The following FOXP2 variants were observed in gnomAD, a reference collection of about 807,000 sequenced individuals.
The protein encoded by FOXP2 is forkhead box P2, also known as forkhead box protein P2.
A neutral mutation model predicts 115.8 loss-of-function variants in FOXP2; 12 were observed. That is an observed-to-expected ratio of 0.10 (90% CI 0.07 to 0.17). FOXP2 has a LOEUF of 0.17. Among genes scored for constraint, FOXP2 ranks in the 10% least tolerant of loss-of-function variants. FOXP2 has a pLI of 1.00. For missense variants in FOXP2, 629 were observed against 843.5 expected, an observed-to-expected ratio of 0.75 and a Z score of 3.15; for synonymous variants, 328 against 297.7, an observed-to-expected ratio of 1.10 and a Z score of -1.05.
intron 3 of FOXP2, among the ~76,000 whole-genome samples, chr7:114,620,135 G>C (rs1804166655): frequency 6.6e-6 from 1 of 151,972 alleles, no homozygotes; most frequent in Non-Finnish European, 1.5e-5. Context: ...TTCTCAAGCT[G>C]TAATATCTAG....
rs1452303323 is a variant in FOXP2, at chr7:114,271,495, T to C, written c.-101-16524T>C. Reference sequence around the variant, plus strand: ...GAGGATTTATATATATATATTTATATAAATATATTAATAATATAATATTAA... The same window carrying C: ...GAGGATTTATATATATATATTTATACAAATATATTAATAATATAATATTAA... On this transcript the variant is annotated intron_variant, in intron 1 of 17. Transcript: ENST00000634411. 6.0e-5 allele frequency among the ~76,000 whole-genome samples: 8 copies of C among 133,864 alleles called. No homozygotes were observed. The Admixed American group carries it at 7.0e-4, about 12-fold the overall frequency. The allele number at this position is 133,864 out of a possible 152,430, so 87.8% of individuals were successfully genotyped here.
At chr7:114,243,262 G>GAAAA (rs61609626) in intron 1 of FOXP2, among the ~76,000 whole-genome samples, 1 of 107,068 alleles carries the variant, frequency 9.3e-6, no homozygotes, top group Non-Finnish European at 2.0e-5. Flanking sequence ...CCATGAGCCA[G>GAAAA]AAAAAAAAAA....
chr7:114,440,596 A>G (rs1226316928), intron 2 of FOXP2, among the ~76,000 whole-genome samples: 3 of 152,336 alleles, frequency 2.0e-5, no homozygotes, highest in Admixed American at 2.0e-4. Flanking sequence ...CAATAAAACT[A>G]ATTCAGAAAT....
In FOXP2 at chr7:114,303,703, T is replaced by C. The variant is rs191279286; in HGVS notation, c.-11+15594T>C. Among the ~76,000 whole-genome samples the C allele has an allele frequency of 3.9e-5, 6 of 152,338 alleles. No homozygotes were observed. The East Asian group carries it at 1.2e-3, about 29-fold the overall frequency. ...GTTTTAAAAAATCTTATTGATAATA[T>C]ACTTTTAATCTCAACTTTTGGGGCA... is the stretch of plus-strand genomic sequence containing the variant. On this transcript the variant is annotated intron_variant, in intron 2 of 17. Coordinates refer to the FOXP2 transcript ENST00000634411.
At chr7:114,575,535 A>C (rs937012097) in intron 3 of FOXP2, among the ~76,000 whole-genome samples, 1 of 151,904 alleles carries the variant, frequency 6.6e-6, no homozygotes, top group Non-Finnish European at 1.5e-5. Flanking sequence ...TCACACAAAA[A>C]ATAGTGTTCT....
At chr7:114,293,037 A>T (rs1468852929) in intron 2 of FOXP2, among the ~76,000 whole-genome samples, 1 of 152,168 alleles carries the variant, frequency 6.6e-6, no homozygotes, top group Non-Finnish European at 1.5e-5. Context: ...CCAATTACAT[A>T]TGGGAAAAAC....
At chr7:114,226,133 T>C (rs192412654) in intron 1 of FOXP2, among the ~76,000 whole-genome samples, 2 of 152,358 alleles carry the variant, frequency 1.3e-5, no homozygotes, top group Admixed American at 6.5e-5. Context: ...TAAAATGTTT[T>C]ACCTTCCATT....
At chr7:114,502,786 C>G (rs1376971260) in intron 2 of FOXP2, among the ~76,000 whole-genome samples, 1 of 152,024 alleles carries the variant, frequency 6.6e-6, no homozygotes, top group East Asian at 1.9e-4. Flanking sequence ...ATCAGGGACG[C>G]TGAGCTATGC....
intron 1 of FOXP2, among the ~76,000 whole-genome samples, chr7:114,182,815 A>T (rs1457110403): frequency 6.6e-6 from 1 of 152,152 alleles, no homozygotes; most frequent in Non-Finnish European, 1.5e-5. Flanking sequence ...AATTTTGATT[A>T]GGAAAAATGA....
chr7:114,196,029 A>T (rs921906639), intron 1 of FOXP2, among the ~76,000 whole-genome samples: 31 of 152,102 alleles, frequency 2.0e-4, no homozygotes, highest in Non-Finnish European at 3.1e-4. Flanking sequence ...TTATTTATTT[A>T]TTGCGGCAGA....
At chr7:114,165,524 T>A (rs78102526) in intron 1 of FOXP2, among the ~76,000 whole-genome samples, 1,624 of 152,278 alleles carry the variant, frequency 0.011, 25 homozygotes, top group Middle Eastern at 0.041. Context: ...ACTGTTTATA[T>A]TAACACCAAA....
At chr7:114,187,097 A>G (rs757013842) in intron 1 of FOXP2, among the ~76,000 whole-genome samples, 3 of 152,198 alleles carry the variant, frequency 2.0e-5, no homozygotes, top group Non-Finnish European at 4.4e-5. Context: ...TTCTCCATCC[A>G]TACTCATCTC....
chr7:114,212,926 A>G (rs1233121489), intron 1 of FOXP2, among the ~76,000 whole-genome samples: 1 of 152,202 alleles, frequency 6.6e-6, no homozygotes, highest in Non-Finnish European at 1.5e-5. Context: ...GAGAAAGTGA[A>G]GTCTTGTTTG....
chr7:114,092,445 TTTTC>T, intron 1 of FOXP2, among the ~76,000 whole-genome samples: 1 of 152,138 alleles, frequency 6.6e-6, no homozygotes, highest in East Asian at 1.9e-4. Flanking sequence ...TCTGTGAAAG[TTTTC>T]TTTATTATTT....
intron 16 of FOXP2, among the ~76,000 whole-genome samples, chr7:114,672,503 T>G (rs1171914780): frequency 6.6e-6 from 1 of 151,998 alleles, no homozygotes; most frequent in Non-Finnish European, 1.5e-5. Context: ...GAGAATCGCT[T>G]GAACCCAGGT....
intron 2 of FOXP2, among the ~76,000 whole-genome samples, chr7:114,492,247 C>T (rs1221936737): frequency 2.0e-5 from 3 of 151,982 alleles, no homozygotes; most frequent in East Asian, 3.9e-4. Context: ...TCTGTGGGAT[C>T]GGTGGTGATA....
At position 114,247,946 on chromosome 7, in the gene FOXP2, C is replaced by T. The variant is rs915093950; in HGVS notation, c.-101-40073C>T. Among the ~76,000 whole-genome samples the T allele has an allele frequency of 1.1e-4, 16 of 152,032 alleles. 1 individual carries two copies. The highest frequency in any genetic ancestry group is 1.7e-4 in the African/African-American group (7 of 41,372). On this transcript the variant is annotated intron_variant, in intron 1 of 17. Coordinates refer to the FOXP2 transcript ENST00000634411. ...AGACACACACAGGCACAGATACACA[C>T]GAACACACACACGTACACACACACA...
intron 1 of FOXP2, among the ~76,000 whole-genome samples, chr7:114,133,877 A>G (rs1464045616): frequency 1.3e-5 from 2 of 152,212 alleles, no homozygotes; most frequent in Non-Finnish European, 2.9e-5. Flanking sequence ...CACAGCATGA[A>G]AGACCTTGCC....
chr7:114,466,938 G>A (rs888261481), intron 2 of FOXP2, among the ~76,000 whole-genome samples: 1 of 152,152 alleles, frequency 6.6e-6, no homozygotes, highest in African/African-American at 2.4e-5. Flanking sequence ...GCTAAGCTCT[G>A]CAATGTGTGA....
Sources: gnomAD v4.1 joint callset for allele counts (sites outside exome capture counted in the v4.1 genomes callset) on GRCh38, gnomAD v4.1.1 for gene constraint, MANE v1.5 for transcripts, NCBI Gene and HGNC (gene_info 2026-07-23, HGNC 2026-07-21) for gene names.